Variants in DMD observed in about 807,000 individuals in gnomAD.
DMD encodes dystrophin.
A neutral mutation model predicts 330.1 loss-of-function variants in DMD; 63 were observed. The observed-to-expected ratio is 0.19, with a 90% CI of 0.16 to 0.24. DMD has a LOEUF of 0.24. DMD is among the 10% of genes least tolerant of loss of function. The pLI, the probability that DMD is intolerant of heterozygous loss-of-function variation, is 1.00. For synonymous variants in DMD, 1,223 were observed against 959.8 expected (o/e 1.27, Z -5.07); for missense variants, 3,344 against 2,684.1 (o/e 1.25, Z -5.43).
chrX:31,578,990 G>C (rs1603398657), intron 55 of DMD, among the ~76,000 whole-genome samples: 1 of 111,893 alleles, frequency 8.9e-6, no homozygotes, highest in African/African-American at 3.2e-5. Flanking sequence ...TGGGTTATAG[G>C]TACTTCAGAT....
intron 43 of DMD, among the ~76,000 whole-genome samples, chrX:32,226,671 A>G (rs745843059): frequency 1.8e-5 from 2 of 111,486 alleles, no homozygotes; most frequent in Admixed American, 9.6e-5. Flanking sequence ...GCTTGGATAC[A>G]CTATTTTACC....
intron 48 of DMD, among the ~76,000 whole-genome samples, chrX:31,862,887 T>A (rs1470516238): frequency 2.7e-5 from 3 of 112,525 alleles, no homozygotes; most frequent in African/African-American, 9.7e-5. Flanking sequence ...AGAAGACAAG[T>A]ACCTCTGAAG....
intron 12 of DMD, among the ~76,000 whole-genome samples, chrX:32,600,697 G>A (rs1156319057): frequency 9.1e-6 from 1 of 109,331 alleles, no homozygotes; most frequent in African/African-American, 3.3e-5. Context: ...CTCCAAAAAT[G>A]ACTTTAAAAT....
chrX:32,304,084 T>C (rs764088249), intron 42 of DMD, among the ~76,000 whole-genome samples: 2 of 111,509 alleles, frequency 1.8e-5, no homozygotes, highest in Non-Finnish European at 3.8e-5. Context: ...ATATTCTTCA[T>C]AGGATGATGC....
intron 45 of DMD, among the ~76,000 whole-genome samples, chrX:31,935,921 A>AT (rs958642316): frequency 9.0e-6 from 1 of 110,980 alleles, no homozygotes; most frequent in African/African-American, 3.3e-5. Flanking sequence ...TTACTAGCAT[A>AT]TTTTTTTCTA....
At chrX:31,423,699 G>A (rs768622549) in intron 60 of DMD, among the ~76,000 whole-genome samples, 8 of 111,299 alleles carry the variant, frequency 7.2e-5, no homozygotes, top group African/African-American at 2.6e-4. Flanking sequence ...TATCTTTAGT[G>A]GAGACAGCGC....
chrX:32,100,794 C>G (rs766423925), intron 44 of DMD, among the ~76,000 whole-genome samples: 1 of 111,682 alleles, frequency 9.0e-6, no homozygotes, highest in African/African-American at 3.3e-5. Context: ...GCTATCATCT[C>G]CTTCTAAGCA....
At chrX:31,964,596 AGTGTGTGTGTGTGT>A (rs59973399) in intron 45 of DMD, among the ~76,000 whole-genome samples, 5 of 99,616 alleles carry the variant, frequency 5.0e-5, no homozygotes, top group Admixed American at 1.1e-4. Flanking sequence ...AATGTTAAAA[AGTGTGTGTGTGTGT>A]GTGTGTGTGT....
chrX:32,123,479 C>G (rs1326931454), intron 44 of DMD, among the ~76,000 whole-genome samples: 1 of 108,018 alleles, frequency 9.3e-6, no homozygotes, highest in East Asian at 3.0e-4. Flanking sequence ...AAAACAACTG[C>G]TCTACTCCAT....
At chrX:32,112,329 T>C (rs1017797498) in intron 44 of DMD, among the ~76,000 whole-genome samples, 2 of 111,866 alleles carry the variant, frequency 1.8e-5, no homozygotes, top group African/African-American at 6.5e-5. Flanking sequence ...TGAGGATCTA[T>C]ATTTCTAATG....
chrX:31,250,476 A>G (rs1472215488), intron 63 of DMD, among the ~76,000 whole-genome samples: 1 of 112,098 alleles, frequency 8.9e-6, no homozygotes, highest in Non-Finnish European at 1.9e-5. Flanking sequence ...TGTTTGGTTA[A>G]TTATCCTCCC....
At chrX:31,609,514 T>TGTGC (rs1254361598) in intron 55 of DMD, among the ~76,000 whole-genome samples, 9 of 89,971 alleles carry the variant, frequency 1.0e-4, no homozygotes, top group Admixed American at 8.7e-4. Flanking sequence ...TGCACGTGTG[T>TGTGC]GTGCGTGTGT....
At chrX:31,680,991 T>C (rs1014018898) in intron 52 of DMD, among the ~76,000 whole-genome samples, 3 of 111,314 alleles carry the variant, frequency 2.7e-5, no homozygotes, top group South Asian at 3.9e-4. Flanking sequence ...ACACCTCATA[T>C]AATTAGTTAC....
At chrX:31,787,099 G>A (rs111904664) in intron 50 of DMD, among the ~76,000 whole-genome samples, 3,088 of 111,908 alleles carry the variant, frequency 0.028, 44 homozygotes, top group Non-Finnish European at 0.042. Flanking sequence ...TAAGCCAGGC[G>A]CTGTGGCTCA....
intron 44 of DMD, among the ~76,000 whole-genome samples, chrX:32,158,648 C>T (rs1450275107): frequency 9.0e-6 from 1 of 111,086 alleles, no homozygotes; most frequent in African/African-American, 3.3e-5. Flanking sequence ...ATCTACCCAA[C>T]CGTCAATTAC....
At chrX:32,930,942 CAT>C (rs2089530631) in intron 2 of DMD, among the ~76,000 whole-genome samples, 1 of 107,837 alleles carries the variant, frequency 9.3e-6, no homozygotes, top group South Asian at 3.9e-4. Flanking sequence ...CAAGTCTATG[CAT>C]ATATTTTTCT....
Position 32,470,188 on chromosome X carries a change from G to A in DMD, c.2950-1478C>T, listed in dbSNP as rs191741360. Reference sequence around the variant, plus strand: ...ATTCATAGGTTTATTATTCATATATGTCTCTTTTTGGAGGATACCTTACTC... The same window carrying A: ...ATTCATAGGTTTATTATTCATATATATCTCTTTTTGGAGGATACCTTACTC... On this transcript the variant is annotated intron_variant, in intron 22 of 78. Coordinates refer to ENST00000357033, the MANE Select transcript of DMD (RefSeq NM_004006.3). 5.5e-3 allele frequency among the ~76,000 whole-genome samples: 602 copies of A among 109,792 alleles called. 11 individuals are homozygous for A. The highest frequency in any genetic ancestry group is 0.053 in the Admixed American group (536 of 10,190).
intron 48 of DMD, among the ~76,000 whole-genome samples, chrX:31,852,758 A>C (rs936127880): frequency 8.9e-6 from 1 of 112,335 alleles, no homozygotes; most frequent in African/African-American, 3.2e-5. Context: ...ATTATTTGTC[A>C]ATTAAAATAA....
chrX:32,779,170 G>A (rs113444425), intron 7 of DMD, among the ~76,000 whole-genome samples: 28 of 110,118 alleles, frequency 2.5e-4, no homozygotes, highest in Non-Finnish European at 5.3e-4. Flanking sequence ...CCACTGATAG[G>A]TGGCACAGTA....
Sources: allele counts gnomAD v4.1 joint callset (sites outside exome capture counted in the v4.1 genomes callset), GRCh38; gene constraint gnomAD v4.1.1; transcripts MANE v1.5; gene names NCBI Gene and HGNC (gene_info 2026-07-23, HGNC 2026-07-21).